Variants in ADAMTS6 observed in about 807,000 individuals in gnomAD.
ADAMTS6 encodes ADAM metallopeptidase with thrombospondin type 1 motif 6.
A neutral mutation model predicts 144.3 loss-of-function variants in ADAMTS6; 23 were observed. The ratio of observed to expected loss-of-function variants is 0.16; its 90% CI spans 0.11 to 0.23. The LOEUF is 0.23. Ranked by LOEUF, ADAMTS6 falls within the 10% of genes least tolerant of loss-of-function variation. The probability of loss-of-function intolerance (pLI) is 1.00; values close to 1 mark genes in which losing one functional copy is unlikely to be tolerated. For missense variants in ADAMTS6, 999 were observed against 1,379.6 expected, an observed-to-expected ratio of 0.72 and a Z score of 4.37; for synonymous variants, 444 against 457.5, an observed-to-expected ratio of 0.97 and a Z score of 0.38.
chr5:65,191,811 A>G (rs1025560846), intron 21 of ADAMTS6, among the ~76,000 whole-genome samples: 1 of 152,158 alleles, frequency 6.6e-6, no homozygotes, highest in African/African-American at 2.4e-5. Context: ...TTTAAAAATC[A>G]ACATAATAAA....
chr5:65,470,354 T>G (rs1188283985), intron 3 of ADAMTS6, among the ~76,000 whole-genome samples: 1 of 152,218 alleles, frequency 6.6e-6, no homozygotes, highest in Non-Finnish European at 1.5e-5. Context: ...CATAAGAAAT[T>G]TTAAGATATG....
At chr5:65,471,175 A>G in intron 2 of ADAMTS6, 33 bp from the exon 3 acceptor site, 1 of 1,553,072 alleles carries the variant, frequency 6.4e-7, no homozygotes, top group African/African-American at 1.4e-5. Context: ...ATCCAGAAAA[A>G]AAACACATGG....
intron 14 of ADAMTS6, 23 bp downstream of exon 14, chr5:65,260,577 T>C (rs1047511314): frequency 1.9e-6 from 3 of 1,608,040 alleles, no homozygotes; most frequent in Middle Eastern, 1.7e-4. Context: ...TAATTTTTCA[T>C]AACAGAGTTT....
Position 65,436,318 on chromosome 5 carries a change from CA to C in ADAMTS6, c.1073+15156del, listed in dbSNP as rs775930702. On this transcript the variant is annotated intron_variant, in intron 7 of 24. Transcript: ENST00000381055. The stretch of plus-strand genomic sequence containing the variant: ...AGAGTAAGACCTTGTCTCAAAACAA[CA>C]AAAAAGCCCAATTAAAGGATTGAAG... Among the ~76,000 whole-genome samples the C allele has an allele frequency of 1.9e-4, 29 of 152,028 alleles. 1 individual carries two copies. Among genetic ancestry groups the C allele is most frequent in the East Asian group, 7.7e-4 (4 of 5,186 alleles).
At position 65,214,879 on chromosome 5, in the gene ADAMTS6, G is replaced by A. The variant is rs150401921; in HGVS notation, c.2490C>T (p.Ile830=). The A allele has an allele frequency of 9.3e-6, 15 of 1,614,104 alleles. No homozygotes were observed. The highest frequency in any genetic ancestry group is 1.1e-5 in the Non-Finnish European group (13 of 1,179,988). Residue 830 remains isoleucine (I), a synonymous_variant, in exon 20 of 25, where the codon ATC becomes ATT. Coordinates refer to ENST00000381055, the MANE Select transcript of ADAMTS6 (RefSeq NM_197941.4). The surrounding 1 kb of genome is among the most constrained non-coding windows in gnomAD (Gnocchi z 4.6). ...LGIRYKFNVP[I]TRTGSGDNEV... ...CATTATCTCCACTGCCAGTTCGAGT[G>A]ATGGGAACATTGAACTTATACCTAA...
At chr5:65,210,789 C>T (rs191643702) in intron 20 of ADAMTS6, 2 of 589,510 alleles carry the variant, frequency 3.4e-6, no homozygotes, top group East Asian at 3.1e-5. Context: ...AGAAACAGTT[C>T]TCTCAACACA....
intron 15 of ADAMTS6, among the ~76,000 whole-genome samples, chr5:65,227,095 G>A: frequency 6.6e-6 from 1 of 152,074 alleles, no homozygotes; most frequent in East Asian, 1.9e-4. Flanking sequence ...ATTTTTATGA[G>A]ATTAGCAAAT....
intron 13 of ADAMTS6, among the ~76,000 whole-genome samples, chr5:65,262,172 A>G (rs952563160): frequency 1.3e-5 from 2 of 152,172 alleles, no homozygotes; most frequent in African/African-American, 4.8e-5. Flanking sequence ...CTAGCAAAGA[A>G]TACTGATGGT....
At chr5:65,317,875 C>T (rs1201845489) in intron 9 of ADAMTS6, among the ~76,000 whole-genome samples, 5 of 151,924 alleles carry the variant, frequency 3.3e-5, no homozygotes, top group African/African-American at 1.2e-4. Context: ...AGATCGAGAC[C>T]ATCCTGGCTA....
chr5:65,442,660 G>T (rs184036275), intron 7 of ADAMTS6, among the ~76,000 whole-genome samples: 1 of 152,054 alleles, frequency 6.6e-6, no homozygotes, highest in East Asian at 1.9e-4. Flanking sequence ...TTTGGAAAAT[G>T]ACATCTAACT....
At chr5:65,444,299 G>A (rs1360548637) in intron 7 of ADAMTS6, among the ~76,000 whole-genome samples, 1 of 152,196 alleles carries the variant, frequency 6.6e-6, no homozygotes, top group African/African-American at 2.4e-5. Flanking sequence ...GGCGGAGGCA[G>A]GAGAATCACA....
At chr5:65,326,962 T>C (rs141094321) in intron 9 of ADAMTS6, among the ~76,000 whole-genome samples, 1,690 of 152,264 alleles carry the variant, frequency 0.011, 19 homozygotes, top group Non-Finnish European at 0.014. Context: ...TGGATGTTTG[T>C]TCCCTCTAAA....
chr5:65,189,221 T>G (rs1425919265), intron 21 of ADAMTS6, among the ~76,000 whole-genome samples: 4 of 151,942 alleles, frequency 2.6e-5, no homozygotes, highest in African/African-American at 7.3e-5. Flanking sequence ...TTTCAGGGGG[T>G]TTGTGGTTTG....
At chr5:65,314,248 C>T (rs530842572) in intron 9 of ADAMTS6, among the ~76,000 whole-genome samples, 14 of 152,034 alleles carry the variant, frequency 9.2e-5, no homozygotes, top group South Asian at 2.1e-4. Flanking sequence ...ACTGAACATG[C>T]GAAGGAAAGA....
intron 7 of ADAMTS6, among the ~76,000 whole-genome samples, chr5:65,421,854 A>C (rs1271642120): frequency 6.6e-6 from 1 of 152,242 alleles, no homozygotes; most frequent in East Asian, 1.9e-4. Flanking sequence ...AAACTATAAA[A>C]TTTCTAGAAG....
chr5:65,367,077 A>AT (rs150891182), intron 7 of ADAMTS6, among the ~76,000 whole-genome samples: 18,427 of 152,170 alleles, frequency 0.12, 1,248 homozygotes, highest in African/African-American at 0.18. Flanking sequence ...ATCCTTAAAA[A>AT]ATTAGAGATA....
At chr5:65,443,877 G>A (rs1357226035) in intron 7 of ADAMTS6, among the ~76,000 whole-genome samples, 5 of 151,746 alleles carry the variant, frequency 3.3e-5, no homozygotes, top group African/African-American at 1.2e-4. Flanking sequence ...CATACTTAAT[G>A]GTGAAAGACG....
intron 3 of ADAMTS6, among the ~76,000 whole-genome samples, chr5:65,464,823 C>G (rs561742223): frequency 6.6e-6 from 1 of 152,162 alleles, no homozygotes; most frequent in East Asian, 1.9e-4. Flanking sequence ...TAAAACTGTC[C>G]CTCTAATATG....
At chr5:65,379,484 A>T (rs1228671111) in intron 7 of ADAMTS6, among the ~76,000 whole-genome samples, 1 of 152,196 alleles carries the variant, frequency 6.6e-6, no homozygotes, top group Non-Finnish European at 1.5e-5. Context: ...CTGCTTTGCC[A>T]TATAAATTAT....
Sources: gnomAD v4.1 joint callset for allele counts (sites outside exome capture counted in the v4.1 genomes callset) on GRCh38, gnomAD v4.1.1 for gene constraint, Gnocchi (gnomAD v3.1) non-coding constraint, MANE v1.5 for transcripts, NCBI Gene and HGNC (gene_info 2026-07-23, HGNC 2026-07-21) for gene names.